The following ST6GALNAC5 variants were observed in gnomAD, a reference collection of about 807,000 sequenced individuals.
The protein encoded by ST6GALNAC5 is alpha-N-acetylgalactosaminide alpha-2,6-sialyltransferase 5.
Under a neutral mutation model 33.6 loss-of-function variants are expected in ST6GALNAC5, and 27 were observed. The ratio of observed to expected loss-of-function variants is 0.80; its 90% CI spans 0.59 to 1.11. The LOEUF is 1.11. Ranked by LOEUF, ST6GALNAC5 falls within the 50% of genes least tolerant of loss-of-function variation. The pLI is 0.00. For missense variants in ST6GALNAC5, 428 were observed against 454.0 expected (o/e 0.94, Z 0.52); for synonymous variants, 194 against 171.2 (o/e 1.13, Z -1.04).
intron 2 of ST6GALNAC5, among the ~76,000 whole-genome samples, chr1:77,031,496 AAAT>A (rs772827214): frequency 6.6e-6 from 1 of 152,190 alleles, no homozygotes; most frequent in Non-Finnish European, 1.5e-5. Context: ...CCAGAACCTC[AAAT>A]GATGACTCAT....
chr1:76,869,241 A>G (rs943482997), intron 2 of ST6GALNAC5, among the ~76,000 whole-genome samples: 1 of 152,128 alleles, frequency 6.6e-6, no homozygotes, highest in African/African-American at 2.4e-5. Context: ...GAATTCTCTC[A>G]GCCCTGGGGA....
intron 2 of ST6GALNAC5, among the ~76,000 whole-genome samples, chr1:76,878,676 C>A (rs923727015): frequency 2.0e-5 from 3 of 152,184 alleles, no homozygotes; most frequent in African/African-American, 7.2e-5. Context: ...CGTTCTGGGT[C>A]TGTAAACTGG....
At chr1:76,986,951 G>C (rs1266438970) in intron 2 of ST6GALNAC5, among the ~76,000 whole-genome samples, 2 of 152,126 alleles carry the variant, frequency 1.3e-5, no homozygotes. Context: ...CTCACTCATA[G>C]GTGGGAATTG....
In ST6GALNAC5 at chr1:77,066,691, A is replaced by G. The variant is rs187863673; in HGVS notation, c.*3485A>G. On this transcript the variant is annotated 3_prime_UTR_variant, in exon 5 of 5. Transcript: ENST00000477717. ...CTCTGAAAGAAGGGTCCATGTTCCT[A>G]TTCTCTCTCTGCAGTGTTGGGAGGT... Among the ~76,000 whole-genome samples the G allele has an allele frequency of 1.8e-4, 28 of 152,270 alleles. No individual in the cohort carries two copies. The highest frequency in any genetic ancestry group is 6.3e-4 in the African/African-American group (26 of 41,576).
intron 3 of ST6GALNAC5, among the ~76,000 whole-genome samples, chr1:77,049,680 C>G (rs1652155681): frequency 6.6e-6 from 1 of 152,168 alleles, no homozygotes; most frequent in Non-Finnish European, 1.5e-5. Flanking sequence ...CTCTTTTCCT[C>G]TGGTCATTAG....
intron 2 of ST6GALNAC5, among the ~76,000 whole-genome samples, chr1:76,998,078 A>T (rs1175764666): frequency 6.6e-6 from 1 of 152,146 alleles, no homozygotes; most frequent in Admixed American, 6.6e-5. Context: ...CAGTTTCCTG[A>T]GGCCTTCACA....
intron 2 of ST6GALNAC5, among the ~76,000 whole-genome samples, chr1:77,001,481 T>G (rs1224450942): frequency 1.5e-5 from 2 of 134,226 alleles, no homozygotes; most frequent in Non-Finnish European, 3.2e-5. Flanking sequence ...GAATACCCTT[T>G]ATTTCCTTCT....
At chr1:77,048,232 T>C (rs1014719180) in intron 3 of ST6GALNAC5, among the ~76,000 whole-genome samples, 6 of 152,058 alleles carry the variant, frequency 3.9e-5, no homozygotes, top group African/African-American at 1.4e-4. Flanking sequence ...TATGGGAGAG[T>C]TTCTGCCCTT....
intron 2 of ST6GALNAC5, among the ~76,000 whole-genome samples, chr1:77,041,966 T>C (rs1335112229): frequency 1.3e-5 from 2 of 152,162 alleles, no homozygotes; most frequent in African/African-American, 2.4e-5. Context: ...TAACACTGAT[T>C]CTGCTTATTC....
At chr1:77,028,105 G>A (rs539052957) in intron 2 of ST6GALNAC5, among the ~76,000 whole-genome samples, 5 of 152,316 alleles carry the variant, frequency 3.3e-5, no homozygotes, top group African/African-American at 9.6e-5. Context: ...CACACTGTCA[G>A]CTCTAAAGGA....
chr1:76,883,367 A>C (rs1008047811), intron 2 of ST6GALNAC5, among the ~76,000 whole-genome samples: 32 of 152,242 alleles, frequency 2.1e-4, no homozygotes, highest in African/African-American at 7.2e-4. Flanking sequence ...ACTGTATCTC[A>C]GACATATGAA....
At chr1:77,006,741 C>A (rs570151124) in intron 2 of ST6GALNAC5, among the ~76,000 whole-genome samples, 11 of 152,304 alleles carry the variant, frequency 7.2e-5, no homozygotes, top group African/African-American at 2.6e-4. Flanking sequence ...TAGTAGCTTA[C>A]AACAACAACC....
At chr1:77,008,741 G>A (rs1022572992) in intron 2 of ST6GALNAC5, among the ~76,000 whole-genome samples, 1 of 152,142 alleles carries the variant, frequency 6.6e-6, no homozygotes, top group Non-Finnish European at 1.5e-5. Flanking sequence ...TGTTGGTCAG[G>A]CTGGTCTTGA....
At chr1:76,960,035 GT>G (rs1648165284) in intron 2 of ST6GALNAC5, among the ~76,000 whole-genome samples, 1 of 152,088 alleles carries the variant, frequency 6.6e-6, no homozygotes, top group Non-Finnish European at 1.5e-5. Flanking sequence ...ACAGCCTCAG[GT>G]CCTCTTCATT....
chr1:76,919,378 C>T (rs1570672741), intron 2 of ST6GALNAC5, among the ~76,000 whole-genome samples: 1 of 152,116 alleles, frequency 6.6e-6, no homozygotes, highest in African/African-American at 2.4e-5. Context: ...ATTCTTCACA[C>T]TGTTCTTGCT....
intron 3 of ST6GALNAC5, among the ~76,000 whole-genome samples, chr1:77,045,645 T>C (rs1651983388): frequency 1.3e-5 from 2 of 152,110 alleles, no homozygotes; most frequent in Non-Finnish European, 2.9e-5. Flanking sequence ...GGGCAATAAG[T>C]CTTGGATAAA....
At position 76,868,405 on chromosome 1, in the gene ST6GALNAC5, A is replaced by C; in HGVS notation, c.16-92A>C. 1 of 1,493,798 alleles carries C rather than the reference A, an allele frequency of 6.7e-7. No individual in the cohort carries two copies. Among genetic ancestry groups the C allele is most frequent in the Non-Finnish European group, 8.9e-7 (1 of 1,118,846 alleles). The allele number at this position is 1,493,798 out of a possible 1,614,324, so 92.5% of individuals were successfully genotyped here. A position where few individuals can be genotyped will look rare whatever the true frequency, so the allele number is the denominator to read the frequency against. Reference sequence around the variant, plus strand: ...CAGGCCGCCCCAAATCTCCCCCACTAGAGTGACCACCGCACAGTTGTCCCC... The same window carrying C: ...CAGGCCGCCCCAAATCTCCCCCACTCGAGTGACCACCGCACAGTTGTCCCC... On this transcript the variant is annotated intron_variant, in intron 1 of 4. Transcript: ENST00000477717. This position sits in a 1 kb window ranked among gnomAD's most constrained non-coding sequence, Gnocchi z 4.3.
intron 2 of ST6GALNAC5, among the ~76,000 whole-genome samples, chr1:76,897,302 G>A (rs1646750373): frequency 6.6e-6 from 1 of 152,168 alleles, no homozygotes; most frequent in African/African-American, 2.4e-5. Context: ...ATTGAGGATA[G>A]GAGAGTATAT....
chr1:76,937,826 C>T (rs1252591), intron 2 of ST6GALNAC5, among the ~76,000 whole-genome samples: 92,764 of 151,908 alleles, frequency 0.61, 28,854 homozygotes, highest in African/African-American at 0.71. Context: ...GAACAGAACT[C>T]TCTGTATTCC....
Sources: allele counts gnomAD v4.1 joint callset (sites outside exome capture counted in the v4.1 genomes callset), GRCh38; gene constraint gnomAD v4.1.1; non-coding constraint Gnocchi (gnomAD v3.1); transcripts MANE v1.5; gene names NCBI Gene and HGNC (gene_info 2026-07-23, HGNC 2026-07-21).